GSK3A: variants seen among roughly 807,000 people sequenced by gnomAD.
GSK3A encodes the protein glycogen synthase kinase 3 alpha.
Under a neutral mutation model 56.6 loss-of-function variants are expected in GSK3A, and 14 were observed. The observed-to-expected ratio is 0.25, with a 90% CI of 0.16 to 0.39. GSK3A has a LOEUF of 0.39. GSK3A is among the 10% of genes least tolerant of loss of function. The pLI, the probability that GSK3A is intolerant of heterozygous loss-of-function variation, is 1.00. For synonymous variants in GSK3A, 301 were observed against 285.0 expected, an observed-to-expected ratio of 1.06 and a Z score of -0.56; for missense variants, 450 against 656.0, an observed-to-expected ratio of 0.69 and a Z score of 3.43.
chr19:42,234,696 T>G lies in GSK3A; in HGVS notation c.667-18A>C. On this transcript the variant is annotated intron_variant, in intron 4 of 10. Transcript: ENST00000222330. The surrounding 1 kb of genome is among the most constrained non-coding windows in gnomAD (Gnocchi z 5.7). ...ATGTACACCTGCGGCGGGCACAGGA[T>G]AGCAGAACTTTAGCCCAGCTTTCCC... is the stretch of plus-strand genomic sequence containing the variant. 6.5e-7 allele frequency: 1 copy of G among 1,548,796 alleles called. No homozygotes were observed. The highest frequency in any genetic ancestry group is 8.7e-7 in the Non-Finnish European group (1 of 1,143,340).
In GSK3A at chr19:42,230,632, G is replaced by A. The variant is rs1457155185; in HGVS notation, c.*162C>T. The A allele has an allele frequency of 6.3e-6, 4 of 634,126 alleles. No homozygotes were observed. The highest frequency in any genetic ancestry group is 8.6e-6 in the Non-Finnish European group (3 of 347,854). The allele number at this position is 634,126 out of a possible 1,614,324, so 39.3% of individuals were successfully genotyped here. ...CTCTTAAAAAGCCCACCACAGGGGT[G>A]AGGCTGGTGAGGGAGGGACTGGAGG... On this transcript the variant is annotated 3_prime_UTR_variant, in exon 11 of 11. Transcript: ENST00000222330.
rs769150560 is a variant in GSK3A at position 42,238,606 on chromosome 19, CAAAAAAAAAAAAAAA to C, written c.471+1334_471+1348del. Among the ~76,000 whole-genome samples the C allele has an allele frequency of 6.3e-3, 208 of 33,160 alleles. 2 individuals are homozygous for C. The highest frequency in any genetic ancestry group is 9.9e-3 in the Non-Finnish European group (173 of 17,482). 21.8% of individuals were successfully genotyped at this position (33,160 alleles called of 152,430 possible). On this transcript the variant is annotated intron_variant, in intron 2 of 10. Coordinates refer to ENST00000222330, the MANE Select transcript of GSK3A (RefSeq NM_019884.3). The stretch of plus-strand genomic sequence containing the variant: ...TGGGTGACAGCATGAGACTCCGTCT[CAAAAAAAAAAAAAAA>C]AAAAAAAAAAAGATTTCACATCTAA...
Position 42,242,272 on chromosome 19 carries a change from G to A in GSK3A, c.194C>T (p.Ser65Phe). 1 of 1,439,288 alleles carries A rather than the reference G, an allele frequency of 6.9e-7. No individual in the cohort carries two copies. The highest frequency in any genetic ancestry group is 9.1e-7 in the Non-Finnish European group (1 of 1,102,652). 89.2% of individuals were successfully genotyped at this position (1,439,288 alleles called of 1,614,324 possible). A position where few individuals can be genotyped will look rare whatever the true frequency, so the allele number is the denominator to read the frequency against. The change falls in exon 1 of 11, where the codon TCC becomes TTC. Residue 65 changes from serine to phenylalanine, a missense_variant. Around this residue, in one of 3 missense-constraint regions of GSK3A, gnomAD observed 193 missense variants for 200.5 expected, o/e 0.96. Coordinates refer to ENST00000222330, the MANE Select transcript of GSK3A (RefSeq NM_019884.3). ...GCCGCTGCCGCCGGGTCCACCCCCGGAGCTCGAGGCCCCGACGCCCCCACC... is the reference window on the plus strand; with the variant it reads ...GCCGCTGCCGCCGGGTCCACCCCCGAAGCTCGAGGCCCCGACGCCCCCACC... ...AMGGGVGASS[S>F]GGGPGGSGGG...
intron 4 of GSK3A, among the ~76,000 whole-genome samples, chr19:42,236,224 C>A (rs1161831536): frequency 6.6e-6 from 1 of 152,206 alleles, no homozygotes; most frequent in Non-Finnish European, 1.5e-5. Context: ...CCACCTACCC[C>A]CAGCCAAGGC....
Position 42,230,698 on chromosome 19 carries a change from G to T in GSK3A, c.*96C>A. 1 of 898,076 alleles carries T rather than the reference G, an allele frequency of 1.1e-6. No individual in the cohort carries two copies. Among genetic ancestry groups the T allele is most frequent in the Non-Finnish European group, 1.8e-6 (1 of 551,898 alleles). The allele number at this position is 898,076 out of a possible 1,614,324, so 55.6% of individuals were successfully genotyped here. On this transcript the variant is annotated 3_prime_UTR_variant, in exon 11 of 11. Coordinates refer to ENST00000222330, the MANE Select transcript of GSK3A (RefSeq NM_019884.3). The stretch of plus-strand genomic sequence containing the variant: ...ATTTACCTCTGCCCTCTAGTCTAGG[G>T]GCCCAGCCAGGGCAGGAGCTTGATG...
chr19:42,242,529 T>TGCC lies in GSK3A; in HGVS notation c.-67_-65dup, dbSNP rs1341345382. Reference sequence around the variant, plus strand: ...CCCGGGCTGCCCCAGCCGCCGCCGCTGCCGCCGCCTCCCCCGGGCCCTGGC... The same window carrying TGCC: ...CCCGGGCTGCCCCAGCCGCCGCCGCTGCCGCCGCCGCCTCCCCCGGGCCCTGGC... On this transcript the variant is annotated 5_prime_UTR_variant, in exon 1 of 11. Coordinates refer to ENST00000222330, the MANE Select transcript of GSK3A (RefSeq NM_019884.3). 16 of 994,154 alleles carry TGCC rather than the reference T, an allele frequency of 1.6e-5. No homozygotes were observed. Among genetic ancestry groups the TGCC allele is most frequent in the Admixed American group, 5.7e-5 (1 of 17,508 alleles). The allele number at this position is 994,154 out of a possible 1,614,324, so 61.6% of individuals were successfully genotyped here.
chr19:42,236,559 C>T (rs901563921), intron 4 of GSK3A, 47 bp downstream of exon 4: 2 of 1,148,702 alleles, frequency 1.7e-6, no homozygotes, highest in Non-Finnish European at 2.6e-6. Flanking sequence ...GCTCCAGAGC[C>T]CCTGGCTTTG....
chr19:42,232,479 C>T lies in GSK3A; in HGVS notation c.1285+17G>A. Reference sequence around the variant, plus strand: ...CCTACCCCGCCCCACTCCCCAGATCCCAGGCTATGCCCTCACCACCAGCAC... The same window carrying T: ...CCTACCCCGCCCCACTCCCCAGATCTCAGGCTATGCCCTCACCACCAGCAC... On this transcript the variant is annotated intron_variant, in intron 9 of 10. Coordinates refer to ENST00000222330, the MANE Select transcript of GSK3A (RefSeq NM_019884.3). 2 of 1,613,192 alleles carry T rather than the reference C, an allele frequency of 1.2e-6. No individual in the cohort carries two copies. Among genetic ancestry groups the T allele is most frequent in the Non-Finnish European group, 1.7e-6 (2 of 1,179,400 alleles).
rs1161290123 is a variant in GSK3A, at chr19:42,242,361, G to A, written c.105C>T (p.Gly35=). The stretch of plus-strand genomic sequence containing the variant: ...CTGGGCCGGAGGCCGAGCCTCCGGG[G>A]CCGCCGCCGCCTCCTCCGCCTCCGC... The part of the protein sequence containing the change: ...PGGGGGGGGG[G]PGGSASGPGG... Residue 35 remains glycine, a synonymous_variant, in exon 1 of 11, where the codon GGC becomes GGT. Coordinates refer to ENST00000222330, the MANE Select transcript of GSK3A (RefSeq NM_019884.3). 5 of 1,402,454 alleles carry A rather than the reference G, an allele frequency of 3.6e-6. No individual in the cohort carries two copies. The highest frequency in any genetic ancestry group is 4.6e-6 in the Non-Finnish European group (5 of 1,081,302). 86.9% of individuals were successfully genotyped at this position (1,402,454 alleles called of 1,614,324 possible).
At position 42,234,822 on chromosome 19, in the gene GSK3A, G is replaced by A. The variant is rs958802789; in HGVS notation, c.667-144C>T. On this transcript the variant is annotated intron_variant, in intron 4 of 10. Coordinates refer to ENST00000222330, the MANE Select transcript of GSK3A (RefSeq NM_019884.3). The surrounding 1 kb of genome is among the most constrained non-coding windows in gnomAD (Gnocchi z 5.7). ...TTGGGGAAACCCATTTGAAACCTTG[G>A]TTCTCTTAATGTGCACCACAATCAC... 3.4e-5 allele frequency: 29 copies of A among 842,074 alleles called. No homozygotes were observed. In the African/African-American group the frequency reaches 4.3e-4, roughly 12 times the overall value. The allele number at this position is 842,074 out of a possible 1,614,324, so 52.2% of individuals were successfully genotyped here. A position where few individuals can be genotyped will look rare whatever the true frequency, so the allele number is the denominator to read the frequency against.
intron 1 of GSK3A, chr19:42,241,402 A>T (rs551863465): frequency 1.2e-4 from 19 of 152,242 alleles, no homozygotes; most frequent in South Asian, 8.3e-4. Flanking sequence ...AACAATTATT[A>T]AAAAAGTATA....
chr19:42,242,261 G>C lies in GSK3A; in HGVS notation c.205C>G (p.Pro69Ala), dbSNP rs909735120. Reference protein sequence around the residue: ...GVGASSSGGGPGGSGGGGSGG... With the variant: ...GVGASSSGGGAGGSGGGGSGG... The stretch of plus-strand genomic sequence containing the variant: ...CTGCCTCCTCCGCCGCTGCCGCCGG[G>C]TCCACCCCCGGAGCTCGAGGCCCCG... Residue 69 changes from proline (P) to alanine (A), a missense_variant, in exon 1 of 11, where the codon CCC becomes GCC. This residue lies in a region of GSK3A where 193 missense variants were observed against 200.5 expected (regional missense o/e 0.96). Transcript: ENST00000222330. 2 of 1,430,122 alleles carry C rather than the reference G, an allele frequency of 1.4e-6. No individual in the cohort carries two copies. Among genetic ancestry groups the C allele is most frequent in the Non-Finnish European group, 9.1e-7 (1 of 1,097,140 alleles). The allele number at this position is 1,430,122 out of a possible 1,614,324, so 88.6% of individuals were successfully genotyped here.
chr19:42,240,372 C>T (rs776133406), intron 1 of GSK3A: 40 of 590,090 alleles, frequency 6.8e-5, no homozygotes, highest in Non-Finnish European at 1.0e-4. Flanking sequence ...GATATTGATA[C>T]CTAAATCTCT....
chr19:42,242,545 G>A lies in GSK3A; in HGVS notation c.-80C>T, dbSNP rs1473563564. The A allele has an allele frequency of 2.0e-5, 19 of 958,222 alleles. No individual in the cohort carries two copies. The highest frequency in any genetic ancestry group is 2.3e-5 in the Non-Finnish European group (18 of 798,112). 59.4% of individuals were successfully genotyped at this position (958,222 alleles called of 1,614,324 possible). On this transcript the variant is annotated 5_prime_UTR_variant, in exon 1 of 11. Transcript: ENST00000222330. Reference sequence around the variant, plus strand: ...CGCCGCCGCTGCCGCCGCCTCCCCCGGGCCCTGGCCTCTTCCAGGCCGCGC... The same window carrying A: ...CGCCGCCGCTGCCGCCGCCTCCCCCAGGCCCTGGCCTCTTCCAGGCCGCGC...
chr19:42,233,370 A>T lies in GSK3A; in HGVS notation c.918T>A (p.Ala306=). ...AGAGGAGCTCTGCCAGTACACAGCC[A>T]GCTGACCAAACATCTGAGGGGAAAT... ...DYTSSIDVWS[A]GCVLAELLLG... The change falls in exon 7 of 11, where the codon GCT becomes GCA. Residue 306 remains alanine (A), a synonymous_variant. Transcript: ENST00000222330. 6.3e-7 allele frequency: 1 copy of T among 1,574,876 alleles called. No individual in the cohort carries two copies. Among genetic ancestry groups the T allele is most frequent in the Non-Finnish European group, 8.6e-7 (1 of 1,158,238 alleles).
intron 10 of GSK3A, among the ~76,000 whole-genome samples, chr19:42,231,287 G>A (rs919253473): frequency 6.6e-6 from 1 of 152,168 alleles, no homozygotes; most frequent in African/African-American, 2.4e-5. Context: ...TTGAACCCAG[G>A]AGGCAGAAGT....
chr19:42,242,188 A>G lies in GSK3A; in HGVS notation c.278T>C (p.Leu93Pro). Residue 93 changes from leucine (L) to proline (P), a missense_variant, in exon 1 of 11, where the codon CTG becomes CCG. Transcript: ENST00000222330. ...GTSFPPPGVKLGRDSGKVTTV... is the reference protein window; with the variant it reads ...GTSFPPPGVKPGRDSGKVTTV... ...CGGGCGCCACTAGTACTCACGGCCC[A>G]GCTTCACCCCGGGCGGCGGGAAGCT... 7.1e-7 allele frequency: 1 copy of G among 1,417,536 alleles called. No individual in the cohort carries two copies. The highest frequency in any genetic ancestry group is 9.2e-7 in the Non-Finnish European group (1 of 1,089,458). 87.8% of individuals were successfully genotyped at this position (1,417,536 alleles called of 1,614,324 possible).
rs1198452713 is a variant in GSK3A, at chr19:42,242,400, G to A, written c.66C>T (p.Phe22=). 1 of 1,385,214 alleles carries A rather than the reference G, an allele frequency of 7.2e-7. No individual in the cohort carries two copies. The highest frequency in any genetic ancestry group is 9.3e-7 in the Non-Finnish European group (1 of 1,070,652). The allele number at this position is 1,385,214 out of a possible 1,614,324, so 85.8% of individuals were successfully genotyped here. ...CTCCGCCTCCGCCGCCGGGCTCCGC[G>A]AACGAGCTAGTCCGCGCCCTGCCCG... ...GGSGRARTSS[F]AEPGGGGGGG... is the part of the protein sequence containing the mutation. The change falls in exon 1 of 11, where the codon TTC becomes TTT. Residue 22 remains phenylalanine (F), a synonymous_variant. Transcript: ENST00000222330.
chr19:42,238,034 C>T (rs189374791), intron 2 of GSK3A, among the ~76,000 whole-genome samples: 91 of 151,812 alleles, frequency 6.0e-4, no homozygotes, highest in African/African-American at 2.1e-3. Context: ...CATGAGCTAC[C>T]ATACCCAGCC....
Sources: gnomAD v4.1 joint callset for allele counts (sites outside exome capture counted in the v4.1 genomes callset) on GRCh38, gnomAD v4.1.1 for gene constraint, gnomAD v4.1.1 regional missense constraint, Gnocchi (gnomAD v3.1) non-coding constraint, MANE v1.5 for transcripts, NCBI Gene and HGNC (gene_info 2026-07-23, HGNC 2026-07-21) for gene names.